The following HGD variants were observed in gnomAD, a reference collection of about 807,000 sequenced individuals.
HGD encodes homogentisate oxidase.
In HGD, 61 loss-of-function variants were observed where a neutral mutation model predicts 60.8. That is an observed-to-expected ratio of 1.00 (90% CI 0.82 to 1.24). The LOEUF (loss-of-function observed/expected upper bound fraction) is 1.24. HGD is among the 50% of genes most tolerant of loss of function. The probability of loss-of-function intolerance (pLI) is 0.00; values close to 1 mark genes in which losing one functional copy is unlikely to be tolerated. For missense variants in HGD, 542 were observed against 547.1 expected (o/e 0.99, Z 0.09); for synonymous variants, 212 against 187.7 (o/e 1.13, Z -1.06).
chr3:120,641,099 G>A (rs976104553), intron 11 of HGD, among the ~76,000 whole-genome samples: 1 of 152,170 alleles, frequency 6.6e-6, no homozygotes, highest in African/African-American at 2.4e-5. Context: ...AGCACTGAAA[G>A]TTATGAGTAA....
chr3:120,678,122 T>C (rs1708166957), intron 1 of HGD: 1 of 152,206 alleles, frequency 6.6e-6, no homozygotes, highest in Non-Finnish European at 1.5e-5. Context: ...AAATACTAAG[T>C]TGTATACTGA....
chr3:120,649,422 C>T (rs997521958), intron 6 of HGD, among the ~76,000 whole-genome samples: 6 of 152,044 alleles, frequency 3.9e-5, no homozygotes, highest in Non-Finnish European at 7.4e-5. Flanking sequence ...GGATTACAGG[C>T]GTGATCCACT....
intron 4 of HGD, among the ~76,000 whole-genome samples, chr3:120,664,384 C>A (rs890254912): frequency 1.3e-5 from 2 of 149,480 alleles, no homozygotes; most frequent in African/African-American, 4.9e-5. Flanking sequence ...CTTTTCTTTT[C>A]TCTTTCTTTT....
chr3:120,643,371 GC>G (rs1941052122), intron 10 of HGD, among the ~76,000 whole-genome samples: 1 of 152,196 alleles, frequency 6.6e-6, no homozygotes, highest in Admixed American at 6.5e-5. Flanking sequence ...TGATCCGCCT[GC>G]CTTGGCCTCC....
chr3:120,647,170 G>A, intron 7 of HGD, 118 bp from the exon 8 acceptor site: 1 of 772,848 alleles, frequency 1.3e-6, no homozygotes, highest in East Asian at 2.5e-5. Flanking sequence ...GAGCTTTATT[G>A]AGTCTCTTGG....
At chr3:120,647,575 G>A (rs550270372) in intron 7 of HGD, among the ~76,000 whole-genome samples, 12 of 152,270 alleles carry the variant, frequency 7.9e-5, no homozygotes, top group South Asian at 2.1e-4. Context: ...TACAGTTACC[G>A]TAATAAGTTA....
At chr3:120,641,870 C>T (rs1376754099) in intron 10 of HGD, 177 bp from the exon 11 acceptor site, 1 of 634,092 alleles carries the variant, frequency 1.6e-6, no homozygotes, top group African/African-American at 1.8e-5. Context: ...GCTCCACACA[C>T]CCTCTACTTA....
At chr3:120,638,316 A>C in intron 12 of HGD, 139 bp downstream of exon 12, 1 of 1,018,396 alleles carries the variant, frequency 9.8e-7, no homozygotes, top group Non-Finnish European at 1.6e-6. Flanking sequence ...GATCAGCACT[A>C]GGCCTTGTGC....
intron 12 of HGD, among the ~76,000 whole-genome samples, chr3:120,636,258 G>T (rs1242300827): frequency 2.6e-5 from 4 of 151,144 alleles, no homozygotes; most frequent in Non-Finnish European, 5.9e-5. Flanking sequence ...TCCAGCCTGG[G>T]TGACAGAGTG....
chr3:120,644,525 T>A, intron 9 of HGD, 82 bp from the exon 10 acceptor site: 2 of 1,604,372 alleles, frequency 1.2e-6, no homozygotes, highest in South Asian at 2.2e-5. Context: ...GAGAAAGGCT[T>A]TCTTTCATGT....
chr3:120,680,961 T>C (rs1348306353), intron 1 of HGD, among the ~76,000 whole-genome samples: 1 of 152,234 alleles, frequency 6.6e-6, no homozygotes, highest in African/African-American at 2.4e-5. Flanking sequence ...ACGATATTAA[T>C]CTGCAGTGTC....
In HGD at chr3:120,646,380, C is replaced by G. The variant is rs769000073; in HGVS notation, c.550-14G>C. On this transcript the variant is annotated splice_polypyrimidine_tract_variant and intron_variant, in intron 8 of 13. Coordinates refer to ENST00000283871, the MANE Select transcript of HGD (RefSeq NM_000187.4). Reference sequence around the variant, plus strand: ...CCGCATTCCTCTCTGGAATGGAAAGCAGACACTGGTGTGCCCTCTGAAATC... The same window carrying G: ...CCGCATTCCTCTCTGGAATGGAAAGGAGACACTGGTGTGCCCTCTGAAATC... 5.2e-5 allele frequency: 79 copies of G among 1,529,626 alleles called. No homozygotes were observed. Among genetic ancestry groups the G allele is most frequent in the Non-Finnish European group, 7.0e-5 (77 of 1,103,254 alleles). 94.8% of individuals were successfully genotyped at this position (1,529,626 alleles called of 1,614,324 possible).
intron 10 of HGD, among the ~76,000 whole-genome samples, chr3:120,643,852 A>G (rs1173710914): frequency 6.6e-6 from 1 of 152,232 alleles, no homozygotes; most frequent in Non-Finnish European, 1.5e-5. Flanking sequence ...AACCAAGCCA[A>G]GCTAATTAAC....
At chr3:120,650,888 GGAAAGGTTAATGTGAACGGTGC>G in intron 5 of HGD, 23 bp from the exon 6 acceptor site, 1 of 1,586,490 alleles carries the variant, frequency 6.3e-7, no homozygotes, top group Non-Finnish European at 8.7e-7. Context: ...CACAGAAGAG[GGAAAGGTTAATGTGAACGGTGC>G]CCAAGAGGCA....
At chr3:120,633,697 A>G in intron 12 of HGD, 1 of 857,354 alleles carries the variant, frequency 1.2e-6, no homozygotes, top group Non-Finnish European at 1.7e-6. Flanking sequence ...TATCAAAGTT[A>G]TCTTATCTCC....
intron 6 of HGD, among the ~76,000 whole-genome samples, chr3:120,649,498 G>A (rs1419326406): frequency 6.6e-6 from 1 of 152,014 alleles, no homozygotes; most frequent in Non-Finnish European, 1.5e-5. Context: ...TACCCTGTTT[G>A]GTTTCCAGTT....
Position 120,644,442 on chromosome 3 carries a change from C to T in HGD, c.651G>A (p.Gly217=), listed in dbSNP as rs1941095396. Residue 217 remains glycine (G), a splice_region_variant and synonymous_variant, in exon 10 of 14, where the codon GGG becomes GGA. Transcript: ENST00000283871. ...CACGAGGATTGGCCAAGCCATTGGCCCCTAGAAAACAGTAACCCAAAAGTC... is the reference window on the plus strand; with the variant it reads ...CACGAGGATTGGCCAAGCCATTGGCTCCTAGAAAACAGTAACCCAAAAGTC... ...HFELPDLGPI[G]ANGLANPRDF... 4 of 1,613,782 alleles carry T rather than the reference C, an allele frequency of 2.5e-6. No individual in the cohort carries two copies. Among genetic ancestry groups the T allele is most frequent in the African/African-American group, 1.3e-5 (1 of 74,862 alleles).
intron 13 of HGD, among the ~76,000 whole-genome samples, chr3:120,631,708 T>C (rs1940597062): frequency 6.6e-6 from 1 of 152,180 alleles, no homozygotes; most frequent in South Asian, 2.1e-4. Flanking sequence ...GGCATGTAGA[T>C]AGACCTGGGT....
chr3:120,647,086 T>A, intron 7 of HGD, 34 bp from the exon 8 acceptor site: 1 of 1,533,638 alleles, frequency 6.5e-7, no homozygotes, highest in Non-Finnish European at 9.0e-7. Context: ...GGTGAGCAAT[T>A]CTTTTGGTGT....
Sources: allele counts gnomAD v4.1 joint callset (sites outside exome capture counted in the v4.1 genomes callset), GRCh38; gene constraint gnomAD v4.1.1; transcripts MANE v1.5; gene names NCBI Gene and HGNC (gene_info 2026-07-23, HGNC 2026-07-21).